Variants in RAD51B observed in about 807,000 individuals in gnomAD.
RAD51B encodes RAD51 paralog B.
Under a neutral mutation model 42.2 loss-of-function variants are expected in RAD51B, and 38 were observed. The ratio of observed to expected loss-of-function variants is 0.90; its 90% CI spans 0.70 to 1.18. RAD51B has a LOEUF of 1.18. Among genes scored for constraint, RAD51B ranks in the 50% most tolerant of loss-of-function variants. The pLI is 0.00. For missense variants in RAD51B, 373 were observed against 400.7 expected (o/e 0.93, Z 0.59); for synonymous variants, 154 against 145.2 (o/e 1.06, Z -0.43).
intron 5 of RAD51B, among the ~76,000 whole-genome samples, chr14:67,879,167 A>G (rs2042825651): frequency 6.6e-6 from 1 of 152,172 alleles, no homozygotes; most frequent in Non-Finnish European, 1.5e-5. Flanking sequence ...GCAGGCTAGA[A>G]CTCTCAGGCA....
intron 10 of RAD51B, among the ~76,000 whole-genome samples, chr14:68,574,075 G>C (rs1594987644): frequency 6.6e-6 from 1 of 151,584 alleles, no homozygotes; most frequent in Non-Finnish European, 1.5e-5. Context: ...GCAAGCTGAG[G>C]GTGAGAAATA....
At chr14:68,632,194 C>T (rs915470029) in intron 10 of RAD51B, among the ~76,000 whole-genome samples, 51 of 152,158 alleles carry the variant, frequency 3.4e-4, no homozygotes, top group Admixed American at 3.3e-4. Context: ...CATCTGGAGC[C>T]TTCTTGCCCA....
intron 5 of RAD51B, among the ~76,000 whole-genome samples, chr14:67,874,531 C>T (rs1365902778): frequency 6.6e-6 from 1 of 152,022 alleles, no homozygotes; most frequent in Non-Finnish European, 1.5e-5. Context: ...AAGTTGGACA[C>T]CCTTGAATTA....
chr14:67,960,664 TTTTC>T (rs1328967320), intron 7 of RAD51B, among the ~76,000 whole-genome samples: 1 of 152,230 alleles, frequency 6.6e-6, no homozygotes, highest in South Asian at 2.1e-4. Flanking sequence ...GAACTGCCTT[TTTTC>T]TTTCTTTTTC....
chr14:68,397,991 A>G (rs1250204950), intron 8 of RAD51B, among the ~76,000 whole-genome samples: 1 of 152,242 alleles, frequency 6.6e-6, no homozygotes, highest in African/African-American at 2.4e-5. Context: ...GCTGATTCCT[A>G]TCAGGATCCT....
chr14:68,259,006 A>G (rs1246904472), intron 7 of RAD51B, among the ~76,000 whole-genome samples: 1 of 152,166 alleles, frequency 6.6e-6, no homozygotes, highest in African/African-American at 2.4e-5. Flanking sequence ...ACTAGACTAG[A>G]ATTAAGCAAC....
At chr14:68,176,781 G>C (rs765067061) in intron 7 of RAD51B, among the ~76,000 whole-genome samples, 15 of 152,130 alleles carry the variant, frequency 9.9e-5, no homozygotes, top group Non-Finnish European at 2.1e-4. Flanking sequence ...GAAATAAATA[G>C]TTATAGCAGT....
At chr14:68,647,717 T>G (rs1306716261) in intron 10 of RAD51B, among the ~76,000 whole-genome samples, 4 of 152,118 alleles carry the variant, frequency 2.6e-5, no homozygotes, top group Non-Finnish European at 5.9e-5. Flanking sequence ...TTGTTGTTGT[T>G]GCCCAGGCTG....
At chr14:68,427,716 A>G (rs1024600576) in intron 9 of RAD51B, among the ~76,000 whole-genome samples, 10 of 152,202 alleles carry the variant, frequency 6.6e-5, no homozygotes, top group Non-Finnish European at 1.2e-4. Flanking sequence ...GATTTAGATG[A>G]GACTCTGGAC....
intron 7 of RAD51B, among the ~76,000 whole-genome samples, chr14:68,232,986 C>T (rs1046732097): frequency 1.3e-5 from 2 of 152,160 alleles, no homozygotes; most frequent in Non-Finnish European, 2.9e-5. Context: ...GAAGATATTG[C>T]CAAAAGCTTT....
At chr14:68,523,599 A>G (rs1886730458) in intron 10 of RAD51B, among the ~76,000 whole-genome samples, 1 of 152,226 alleles carries the variant, frequency 6.6e-6, no homozygotes, top group East Asian at 1.9e-4. Flanking sequence ...TGGCCCTGGC[A>G]TAAGTGCCCG....
At position 68,565,489 on chromosome 14, in the gene RAD51B, CA is replaced by C. The variant is rs61666239; in HGVS notation, c.1037-28986del. On this transcript the variant is annotated intron_variant, in intron 10 of 10. Coordinates refer to the RAD51B transcript ENST00000487270. The surrounding 1 kb of genome is among the most constrained non-coding windows in gnomAD (Gnocchi z 4.1). Reference sequence around the variant, plus strand: ...GAGACTTCAGAGTGAGACTCTGTCTCAAAAAAAAAAGAAGTTCTTTCTTACA... The same window carrying C: ...GAGACTTCAGAGTGAGACTCTGTCTCAAAAAAAAAGAAGTTCTTTCTTACA... 6.1e-5 allele frequency among the ~76,000 whole-genome samples: 9 copies of C among 146,892 alleles called. No individual in the cohort carries two copies. Among genetic ancestry groups the C allele is most frequent in the African/African-American group, 1.5e-4 (6 of 40,006 alleles).
chr14:68,237,937 G>A (rs2080297616), intron 7 of RAD51B, among the ~76,000 whole-genome samples: 1 of 151,964 alleles, frequency 6.6e-6, no homozygotes, highest in Admixed American at 6.6e-5. Context: ...GTTTCACCGT[G>A]TTGGCCAAGA....
chr14:68,496,290 C>T (rs1269858612), intron 10 of RAD51B, among the ~76,000 whole-genome samples: 1 of 152,196 alleles, frequency 6.6e-6, no homozygotes, highest in African/African-American at 2.4e-5. Context: ...AGACCCTTTC[C>T]AGCCTGGCCC....
intron 2 of RAD51B, among the ~76,000 whole-genome samples, chr14:67,824,203 G>A (rs2040730929): frequency 6.6e-6 from 1 of 152,174 alleles, no homozygotes. Context: ...GGGATTACAG[G>A]CACACACCAC....
intron 7 of RAD51B, among the ~76,000 whole-genome samples, chr14:68,258,431 A>T (rs201605743): frequency 0.052 from 7,757 of 148,988 alleles, 412 homozygotes; most frequent in African/African-American, 0.14. Context: ...ACACACACAC[A>T]CTCTCTCTCT....
At chr14:67,927,239 T>C (rs2044547936) in intron 7 of RAD51B, among the ~76,000 whole-genome samples, 2 of 152,200 alleles carry the variant, frequency 1.3e-5, no homozygotes, top group Non-Finnish European at 2.9e-5. Context: ...TTGTCATATT[T>C]TATATATTTA....
chr14:67,970,672 T>C (rs1384520177), intron 7 of RAD51B, among the ~76,000 whole-genome samples: 1 of 152,120 alleles, frequency 6.6e-6, no homozygotes, highest in Non-Finnish European at 1.5e-5. Context: ...TAAATTCCAC[T>C]TCTCACCTTC....
intron 10 of RAD51B, among the ~76,000 whole-genome samples, chr14:68,572,050 C>T (rs1215819550): frequency 1.3e-5 from 2 of 152,214 alleles, no homozygotes; most frequent in Non-Finnish European, 2.9e-5. Flanking sequence ...TGTTAGCTCA[C>T]GGACCCCCAC....
Sources: allele counts gnomAD v4.1 joint callset (sites outside exome capture counted in the v4.1 genomes callset), GRCh38; gene constraint gnomAD v4.1.1; non-coding constraint Gnocchi (gnomAD v3.1); transcripts MANE v1.5; gene names NCBI Gene and HGNC (gene_info 2026-07-23, HGNC 2026-07-21).